Variants in CAST observed in about 807,000 individuals in gnomAD.
The protein encoded by CAST is MIR583 host.
A neutral mutation model predicts 119.6 loss-of-function variants in CAST; 76 were observed. The ratio of observed to expected loss-of-function variants is 0.64; its 90% CI spans 0.53 to 0.77. The LOEUF (loss-of-function observed/expected upper bound fraction) is 0.77, where lower values mean the gene tolerates loss of function less well. Among genes scored for constraint, CAST ranks in the 30% least tolerant of loss-of-function variants. The pLI is 0.00. For synonymous variants in CAST, 319 were observed against 331.6 expected, an observed-to-expected ratio of 0.96 and a Z score of 0.41; for missense variants, 953 against 946.5, an observed-to-expected ratio of 1.01 and a Z score of -0.09.
chr5:96,549,651 T>C (rs1045823865), intron 1 of CAST, among the ~76,000 whole-genome samples: 78 of 152,322 alleles, frequency 5.1e-4, no homozygotes, highest in African/African-American at 1.8e-3. Flanking sequence ...AGGGAAGCCA[T>C]GAGTGACTGT....
the CAST span, among the ~76,000 whole-genome samples, chr5:96,186,840 G>A: frequency 6.6e-6 from 1 of 152,142 alleles, no homozygotes; most frequent in Non-Finnish European, 1.5e-5. Flanking sequence ...CCACGTTTTG[G>A]TATTAGGATG....
At chr5:96,481,152 C>T in the CAST span, among the ~76,000 whole-genome samples, 1 of 151,256 alleles carries the variant, frequency 6.6e-6, no homozygotes, top group African/African-American at 2.4e-5. Context: ...AAGAAATAAT[C>T]ACTAACACTC....
At chr5:96,362,185 A>T in the CAST span, among the ~76,000 whole-genome samples, 2,958 of 152,194 alleles carry the variant, frequency 0.019, 97 homozygotes, top group African/African-American at 0.068. Context: ...ATGGCTGCAT[A>T]GTATTCCATG....
intron 1 of CAST, among the ~76,000 whole-genome samples, chr5:96,603,267 G>T (rs780364375): frequency 4.6e-5 from 7 of 152,096 alleles, no homozygotes; most frequent in Non-Finnish European, 1.0e-4. Context: ...AGGTAAGAGA[G>T]GACAAATGTT....
intron 1 of CAST, among the ~76,000 whole-genome samples, chr5:96,675,069 A>G (rs74894996): frequency 1.3e-3 from 204 of 152,330 alleles, no homozygotes; most frequent in African/African-American, 4.8e-3. Context: ...AGTTGCAGGT[A>G]TGGTCTTTGT....
At chr5:96,079,461 T>G in the CAST span, among the ~76,000 whole-genome samples, 953 of 152,336 alleles carry the variant, frequency 6.3e-3, 7 homozygotes, top group Non-Finnish European at 0.01. Context: ...TTCTTAAGGT[T>G]GAAGAGATAT....
the CAST span, among the ~76,000 whole-genome samples, chr5:95,995,321 A>C: frequency 6.6e-6 from 1 of 152,168 alleles, no homozygotes; most frequent in East Asian, 1.9e-4. Context: ...ACAGAGAAGA[A>C]ATAGCTTTGT....
chr5:96,118,039 T>A, the CAST span, among the ~76,000 whole-genome samples: 2 of 152,202 alleles, frequency 1.3e-5, no homozygotes, highest in African/African-American at 4.8e-5. Context: ...CAAAAGAAAC[T>A]TAATAAGGAT....
chr5:96,486,741 G>C, the CAST span, among the ~76,000 whole-genome samples: 6 of 152,186 alleles, frequency 3.9e-5, no homozygotes, highest in South Asian at 1.2e-3. Flanking sequence ...AATGTACCAG[G>C]ATGCACTTAC....
chr5:96,740,365 A>C (rs187954959), intron 12 of CAST, among the ~76,000 whole-genome samples: 176 of 152,284 alleles, frequency 1.2e-3, no homozygotes, highest in African/African-American at 4.1e-3. Context: ...AGGTGTCAGC[A>C]GTGCTGGTTC....
At chr5:96,576,200 G>T (rs751784065) in intron 1 of CAST, among the ~76,000 whole-genome samples, 1 of 151,970 alleles carries the variant, frequency 6.6e-6, no homozygotes, top group African/African-American at 2.4e-5. Flanking sequence ...GTCTGATTTT[G>T]GTATCGGGGC....
chr5:96,205,142 G>C, the CAST span, among the ~76,000 whole-genome samples: 1 of 151,908 alleles, frequency 6.6e-6, no homozygotes, highest in East Asian at 1.9e-4. Context: ...ATACATTCTG[G>C]ATACTAGCCC....
chr5:96,205,854 G>A, the CAST span, among the ~76,000 whole-genome samples: 3 of 151,932 alleles, frequency 2.0e-5, no homozygotes, highest in East Asian at 5.8e-4. Flanking sequence ...GCTGGGTGCT[G>A]GGTCAAATGG....
chr5:96,678,536 T>C (rs1310958629), intron 2 of CAST, among the ~76,000 whole-genome samples: 1 of 152,106 alleles, frequency 6.6e-6, no homozygotes, highest in Non-Finnish European at 1.5e-5. Flanking sequence ...ACCACCGTTA[T>C]ATTGCCATAT....
intron 2 of CAST, among the ~76,000 whole-genome samples, chr5:96,685,749 AT>A (rs1361730410): frequency 6.6e-6 from 1 of 152,212 alleles, no homozygotes; most frequent in African/African-American, 2.4e-5. Context: ...GGTATGAGAA[AT>A]TCAGACTCCT....
At chr5:96,061,213 C>T in the CAST span, among the ~76,000 whole-genome samples, 24 of 152,018 alleles carry the variant, frequency 1.6e-4, no homozygotes, top group African/African-American at 5.8e-4. Flanking sequence ...TAGGACATGC[C>T]TTCTGTAGCA....
chr5:96,249,769 C>T, the CAST span, among the ~76,000 whole-genome samples: 2 of 152,184 alleles, frequency 1.3e-5, no homozygotes, highest in Non-Finnish European at 2.9e-5. Context: ...GCATTAGGAA[C>T]TCATAGATTC....
chr5:96,124,031 CTGAT>C, the CAST span, among the ~76,000 whole-genome samples: 1 of 152,096 alleles, frequency 6.6e-6, no homozygotes, highest in Non-Finnish European at 1.5e-5. Context: ...ATTTAATTGA[CTGAT>C]GTTTCAGATT....
In CAST at chr5:96,600,356, G is replaced by A. The variant is rs553714316; in HGVS notation, c.60+70476G>A. Among the ~76,000 whole-genome samples, 215 of 152,332 alleles carry A rather than the reference G, an allele frequency of 1.4e-3. 7 individuals carry two copies. The South Asian group carries it at 0.043, about 30-fold the overall frequency. On this transcript the variant is annotated intron_variant, in intron 1 of 11. Transcript: ENST00000505143. ...TGGGCACCTAACCCAAGAGTAGCCA[G>A]TCTCTGACACAGCCTCAAGCAAGAG...
Sources: allele counts gnomAD v4.1 joint callset (sites outside exome capture counted in the v4.1 genomes callset), GRCh38; gene constraint gnomAD v4.1.1; transcripts MANE v1.5; gene names NCBI Gene and HGNC (gene_info 2026-07-23, HGNC 2026-07-21).